The following TNKS variants were observed in gnomAD, a reference collection of about 807,000 sequenced individuals.
The protein encoded by TNKS is tankyrase.
In TNKS, 72 loss-of-function variants were observed where a neutral mutation model predicts 135.8. That is an observed-to-expected ratio of 0.53 (90% CI 0.44 to 0.64). The LOEUF is 0.64. Among genes scored for constraint, TNKS ranks in the 30% least tolerant of loss-of-function variants. The pLI, the probability that TNKS is intolerant of heterozygous loss-of-function variation, is 0.00. For synonymous variants in TNKS, 849 were observed against 649.3 expected, an observed-to-expected ratio of 1.31 and a Z score of -4.68; for missense variants, 1,769 against 1,674.0, an observed-to-expected ratio of 1.06 and a Z score of -0.99.
intron 2 of TNKS, among the ~76,000 whole-genome samples, chr8:9,589,475 G>C (rs1243710245): frequency 6.6e-6 from 1 of 152,218 alleles, no homozygotes; most frequent in Non-Finnish European, 1.5e-5. Context: ...TAGCAGCAGA[G>C]GTATGTCAGC....
At chr8:9,591,966 T>A (rs909816303) in intron 2 of TNKS, among the ~76,000 whole-genome samples, 2 of 152,160 alleles carry the variant, frequency 1.3e-5, no homozygotes, top group Non-Finnish European at 2.9e-5. Context: ...ACAACTTGCT[T>A]AGGATATATT....
At chr8:9,644,352 A>G (rs1441883576) in intron 3 of TNKS, among the ~76,000 whole-genome samples, 1 of 152,126 alleles carries the variant, frequency 6.6e-6, no homozygotes. Flanking sequence ...TTTTTATTCT[A>G]TTGGGTAAAG....
In TNKS at chr8:9,777,514, T is replaced by C. The variant is rs1808282631; in HGVS notation, c.*778T>C. The C allele has an allele frequency of 6.6e-6, 1 of 152,264 alleles. No individual in the cohort carries two copies. The highest frequency in any genetic ancestry group is 2.4e-5 in the African/African-American group (1 of 41,454). The allele number at this position is 152,264 out of a possible 1,614,324, so 9.4% of individuals were successfully genotyped here. The stretch of plus-strand genomic sequence containing the variant: ...AGAAGTCAAAGCCGGTGAAGGCCAC[T>C]TGCTCTTTCCAACACAAGCCTGCCA... On this transcript the variant is annotated 3_prime_UTR_variant, in exon 27 of 27. Transcript: ENST00000310430.
intron 5 of TNKS, among the ~76,000 whole-genome samples, chr8:9,702,498 G>A (rs1295168404): frequency 2.0e-5 from 3 of 152,176 alleles, no homozygotes; most frequent in Non-Finnish European, 2.9e-5. Flanking sequence ...CAAGACAGAG[G>A]ACAGTGGTAT....
chr8:9,759,153 C>CAAG (rs1807008105), intron 20 of TNKS, among the ~76,000 whole-genome samples: 5 of 152,236 alleles, frequency 3.3e-5, no homozygotes, highest in African/African-American at 1.2e-4. Flanking sequence ...AGTCACTAGG[C>CAAG]CAGCCTGCAC....
intron 2 of TNKS, among the ~76,000 whole-genome samples, chr8:9,601,784 GATC>G (rs1236297251): frequency 1.3e-5 from 2 of 152,084 alleles, no homozygotes; most frequent in African/African-American, 4.8e-5. Context: ...GATACTTAGA[GATC>G]ATCTTTACTA....
intron 3 of TNKS, among the ~76,000 whole-genome samples, chr8:9,633,896 C>A (rs996606597): frequency 1.3e-5 from 2 of 152,130 alleles, no homozygotes; most frequent in Non-Finnish European, 2.9e-5. Context: ...TATAGCTTGG[C>A]AGCAACCTTG....
chr8:9,766,061 CT>C (rs1173436919), intron 24 of TNKS, among the ~76,000 whole-genome samples, 177 bp from the exon 25 acceptor site: 2 of 152,096 alleles, frequency 1.3e-5, no homozygotes, highest in African/African-American at 4.8e-5. Context: ...TAGTGAATTA[CT>C]TTTGTTGTAA....
intron 3 of TNKS, among the ~76,000 whole-genome samples, chr8:9,618,928 G>A (rs747710705): frequency 2.0e-5 from 3 of 152,186 alleles, no homozygotes; most frequent in Non-Finnish European, 2.9e-5. Context: ...TTACATAAAT[G>A]TTCCCAAAGA....
At chr8:9,770,011 T>C (rs979272671) in intron 25 of TNKS, 95 bp from the exon 26 acceptor site, 1 of 1,112,576 alleles carries the variant, frequency 9.0e-7, no homozygotes, top group Admixed American at 2.7e-5. Context: ...TAGCTTGCCT[T>C]ATGTTAAATT....
At chr8:9,618,232 C>T (rs996648382) in intron 3 of TNKS, among the ~76,000 whole-genome samples, 1 of 152,150 alleles carries the variant, frequency 6.6e-6, no homozygotes, top group Non-Finnish European at 1.5e-5. Context: ...GGTGACCTGT[C>T]TGCCTGACAG....
chr8:9,620,179 A>C (rs1303625275), intron 3 of TNKS, among the ~76,000 whole-genome samples: 1 of 152,048 alleles, frequency 6.6e-6, no homozygotes. Flanking sequence ...CGATCTCCTG[A>C]CCTCGTGATC....
chr8:9,698,646 T>A (rs58766098), intron 5 of TNKS, among the ~76,000 whole-genome samples: 3,870 of 152,292 alleles, frequency 0.025, 107 homozygotes, highest in African/African-American at 0.073. Flanking sequence ...TTAAAAGCCT[T>A]TATTCATTTT....
At chr8:9,769,976 A>G in intron 25 of TNKS, 130 bp from the exon 26 acceptor site, 1 of 791,616 alleles carries the variant, frequency 1.3e-6, no homozygotes. Flanking sequence ...ATTCCTACTC[A>G]TAAATCTGAA....
chr8:9,564,460 G>A (rs1797449990), intron 1 of TNKS, among the ~76,000 whole-genome samples: 1 of 152,178 alleles, frequency 6.6e-6, no homozygotes, highest in South Asian at 2.1e-4. Flanking sequence ...TTATTGTAAT[G>A]TTAGGTTTGG....
At chr8:9,654,293 T>A (rs960270363) in intron 3 of TNKS, among the ~76,000 whole-genome samples, 2 of 152,220 alleles carry the variant, frequency 1.3e-5, no homozygotes, top group East Asian at 1.9e-4. Flanking sequence ...CCTACTGTGC[T>A]TTTCTATTTA....
At chr8:9,746,414 A>C (rs1236197868) in intron 17 of TNKS, among the ~76,000 whole-genome samples, 2 of 152,194 alleles carry the variant, frequency 1.3e-5, no homozygotes, top group Non-Finnish European at 2.9e-5. Context: ...CTCTTGCTTG[A>C]GTGAACCTGG....
chr8:9,609,027 A>G (rs1367002066), intron 2 of TNKS, among the ~76,000 whole-genome samples: 13 of 152,020 alleles, frequency 8.6e-5, no homozygotes, highest in Admixed American at 8.5e-4. Context: ...TTATATTTTT[A>G]TTTCTAAAAG....
intron 2 of TNKS, among the ~76,000 whole-genome samples, chr8:9,589,067 G>C (rs1326470239): frequency 1.3e-5 from 2 of 152,196 alleles, no homozygotes; most frequent in East Asian, 3.8e-4. Flanking sequence ...GTTTGTGACT[G>C]AAAACGGGAT....
Sources: gnomAD v4.1 joint callset for allele counts (sites outside exome capture counted in the v4.1 genomes callset) on GRCh38, gnomAD v4.1.1 for gene constraint, MANE v1.5 for transcripts, NCBI Gene and HGNC (gene_info 2026-07-23, HGNC 2026-07-21) for gene names.